Variants in PTPRZ1 observed in about 807,000 individuals in gnomAD.
PTPRZ1 encodes the protein protein tyrosine phosphatase receptor type Z1.
PTPRZ1 carries 82 observed loss-of-function variants against 214.1 expected under a neutral mutation model. That is an observed-to-expected ratio of 0.38 (90% CI 0.32 to 0.46). PTPRZ1 has a LOEUF of 0.46. Ranked by LOEUF, PTPRZ1 falls within the 20% of genes least tolerant of loss-of-function variation. The pLI is 1.00. For synonymous variants in PTPRZ1, 945 were observed against 987.9 expected, an observed-to-expected ratio of 0.96 and a Z score of 0.81; for missense variants, 2,603 against 2,748.7, an observed-to-expected ratio of 0.95 and a Z score of 1.19.
intron 4 of PTPRZ1, 103 bp downstream of exon 4, chr7:121,972,795 T>C: frequency 1.0e-6 from 1 of 971,414 alleles, no homozygotes; most frequent in Non-Finnish European, 1.4e-6. Context: ...TTAAAATTTA[T>C]AAAGTGATAT....
At position 122,010,343 on chromosome 7, in the gene PTPRZ1, G is replaced by C. The variant is rs1285599495; in HGVS notation, c.1297G>C (p.Glu433Gln). ...GTEEIIKEEE[E>Q]GKDIEEGAIV... ...TGTTTGCTTTTCAAAGGAGGAGGAA[G>C]AGGGAAAAGACATTGAAGAAGGCGC... The change falls in exon 12 of 30, where the codon GAG becomes CAG. Residue 433 changes from glutamate to glutamine, a missense_variant. Transcript: ENST00000393386. 1.3e-6 allele frequency: 2 copies of C among 1,599,306 alleles called. No individual in the cohort carries two copies. Among genetic ancestry groups the C allele is most frequent in the Non-Finnish European group, 1.7e-6 (2 of 1,175,316 alleles).
chr7:122,034,092 T>C lies in PTPRZ1; in HGVS notation c.5167-3T>C, dbSNP rs377641258. On this transcript the variant is annotated splice_region_variant and splice_polypyrimidine_tract_variant and intron_variant, in intron 15 of 29. Transcript: ENST00000393386. ...ACTTTTTTGGCATTCATTCCCTCAT[T>C]AGACACTGAAAGAGTTTTACCAGGT... The C allele has an allele frequency of 6.3e-6, 10 of 1,593,440 alleles. No homozygotes were observed. Among genetic ancestry groups the C allele is most frequent in the Admixed American group, 3.3e-5 (2 of 59,916 alleles).
chr7:121,997,793 G>A (rs1798190575), intron 9 of PTPRZ1, 87 bp from the exon 10 acceptor site: 4 of 1,202,728 alleles, frequency 3.3e-6, no homozygotes, highest in Non-Finnish European at 4.6e-6. Context: ...ACGGACCAGG[G>A]AGAAAAAGTT....
chr7:121,956,912 TC>T (rs541924399), intron 2 of PTPRZ1, among the ~76,000 whole-genome samples: 1 of 151,180 alleles, frequency 6.6e-6, no homozygotes, highest in Non-Finnish European at 1.5e-5. Context: ...ATATGCTCCT[TC>T]CCCCCCAAAA....
intron 1 of PTPRZ1, among the ~76,000 whole-genome samples, chr7:121,920,049 C>T (rs1483034734): frequency 2.6e-5 from 4 of 152,028 alleles, no homozygotes; most frequent in Non-Finnish European, 5.9e-5. Flanking sequence ...CATTTATTCA[C>T]ATTTTCTTTT....
At chr7:122,036,532 A>G in intron 17 of PTPRZ1, 68 bp from the exon 18 acceptor site, 1 of 1,034,142 alleles carries the variant, frequency 9.7e-7, no homozygotes, top group African/African-American at 1.6e-5. Context: ...TTATTATGCA[A>G]ATATGAATTA....
intron 6 of PTPRZ1, among the ~76,000 whole-genome samples, chr7:121,978,711 T>C (rs546925448): frequency 1.3e-5 from 2 of 152,260 alleles, no homozygotes; most frequent in East Asian, 1.9e-4. Flanking sequence ...ATCACCACTA[T>C]TTGTGCACCA....
At chr7:121,905,956 C>A (rs2116285323) in intron 1 of PTPRZ1, among the ~76,000 whole-genome samples, 1 of 152,268 alleles carries the variant, frequency 6.6e-6, no homozygotes, top group Middle Eastern at 3.4e-3. Context: ...ATTTCTATTT[C>A]AACTGCCTCC....
intron 28 of PTPRZ1, 126 bp from the exon 29 acceptor site, chr7:122,059,627 G>C: frequency 9.3e-7 from 1 of 1,071,438 alleles, no homozygotes; most frequent in Non-Finnish European, 1.3e-6. Flanking sequence ...AGCGAAGAGA[G>C]ACAATTCATT....
chr7:122,027,497 A>G (rs895364225), intron 13 of PTPRZ1, among the ~76,000 whole-genome samples: 1 of 152,226 alleles, frequency 6.6e-6, no homozygotes, highest in African/African-American at 2.4e-5. Flanking sequence ...CAAATGTTAC[A>G]TTAAAACTCA....
At position 122,012,551 on chromosome 7, in the gene PTPRZ1, T is replaced by C; in HGVS notation, c.3505T>C (p.Phe1169Leu). 2 of 1,614,102 alleles carry C rather than the reference T, an allele frequency of 1.2e-6. No homozygotes were observed. Among genetic ancestry groups the C allele is most frequent in the Admixed American group, 1.7e-5 (1 of 60,018 alleles). Reference sequence around the variant, plus strand: ...GTTATCTCCTTCAACTCAGCTCTTATTTTATGAGACCTCAGCTTCTTTTAG... The same window carrying C: ...GTTATCTCCTTCAACTCAGCTCTTACTTTATGAGACCTCAGCTTCTTTTAG... ...EMLSPSTQLL[F>L]YETSASFSTE... Residue 1169 changes from phenylalanine (F) to leucine (L), a missense_variant, in exon 12 of 30, where the codon TTT becomes CTT. This residue lies in a region of PTPRZ1 where 1,913 missense variants were observed against 1,914.3 expected (regional missense o/e 1.00). Transcript: ENST00000393386.
At chr7:121,958,038 A>G (rs932497275) in intron 2 of PTPRZ1, among the ~76,000 whole-genome samples, 3 of 152,036 alleles carry the variant, frequency 2.0e-5, no homozygotes, top group Admixed American at 6.6e-5. Flanking sequence ...ATATATACAC[A>G]TACTTATGTT....
At chr7:121,910,332 A>T (rs575359144) in intron 1 of PTPRZ1, among the ~76,000 whole-genome samples, 28 of 152,240 alleles carry the variant, frequency 1.8e-4, no homozygotes, top group African/African-American at 5.8e-4. Flanking sequence ...GCTTTTCTCC[A>T]TAGTGTTTAT....
intron 1 of PTPRZ1, among the ~76,000 whole-genome samples, chr7:121,894,236 A>G (rs1794721582): frequency 6.6e-6 from 1 of 152,230 alleles, no homozygotes. Flanking sequence ...TCCCAGCATT[A>G]AATGCTTAAC....
At chr7:121,964,805 G>C (rs1285217636) in intron 2 of PTPRZ1, among the ~76,000 whole-genome samples, 2 of 152,196 alleles carry the variant, frequency 1.3e-5, no homozygotes, top group African/African-American at 4.8e-5. Flanking sequence ...CAAGTCATTT[G>C]AGCCTTACAG....
At chr7:121,896,864 A>G (rs1371812277) in intron 1 of PTPRZ1, among the ~76,000 whole-genome samples, 1 of 152,008 alleles carries the variant, frequency 6.6e-6, no homozygotes, top group Non-Finnish European at 1.5e-5. Flanking sequence ...ACTTGTATAG[A>G]TTAGATGTTT....
intron 1 of PTPRZ1, chr7:121,908,364 G>GTGGTCGCAGTATAATT: frequency 4.0e-6 from 1 of 251,854 alleles, no homozygotes; most frequent in South Asian, 4.1e-5. Flanking sequence ...AATCCCTTTG[G>GTGGTCGCAGTATAATT]AAAAGAATAT....
chr7:121,938,393 C>G (rs549906556), intron 2 of PTPRZ1, among the ~76,000 whole-genome samples: 2 of 152,328 alleles, frequency 1.3e-5, no homozygotes, highest in African/African-American at 4.8e-5. Flanking sequence ...CATGGTTCAG[C>G]TAAACTTTAA....
At chr7:121,944,199 G>A (rs181253397) in intron 2 of PTPRZ1, among the ~76,000 whole-genome samples, 12 of 152,186 alleles carry the variant, frequency 7.9e-5, no homozygotes, top group Admixed American at 3.3e-4. Flanking sequence ...GAATCTGGCT[G>A]TAAGTTATCT....
Sources: gnomAD v4.1 joint callset for allele counts (sites outside exome capture counted in the v4.1 genomes callset) on GRCh38, gnomAD v4.1.1 for gene constraint, gnomAD v4.1.1 regional missense constraint, MANE v1.5 for transcripts, NCBI Gene and HGNC (gene_info 2026-07-23, HGNC 2026-07-21) for gene names.